Variants in NKAIN3 observed in about 807,000 individuals in gnomAD.
The protein encoded by NKAIN3 is sodium/potassium transporting ATPase interacting 3, also known as sodium/potassium-transporting ATPase subunit beta-1-interacting protein 3.
NKAIN3 carries 25 observed loss-of-function variants against 30.2 expected under a neutral mutation model. The observed-to-expected ratio is 0.83, with a 90% CI of 0.60 to 1.16. The LOEUF is 1.16. Among genes scored for constraint, NKAIN3 ranks in the 50% most tolerant of loss-of-function variants. The pLI is 0.00. For missense variants in NKAIN3, 225 were observed against 254.1 expected, an observed-to-expected ratio of 0.89 and a Z score of 0.78; for synonymous variants, 91 against 89.6, an observed-to-expected ratio of 1.02 and a Z score of -0.09.
At chr8:62,790,845 T>A (rs1344526935) in intron 4 of NKAIN3, among the ~76,000 whole-genome samples, 3 of 151,990 alleles carry the variant, frequency 2.0e-5, no homozygotes, top group Non-Finnish European at 2.9e-5. Context: ...ACAGGGAGAT[T>A]CGGCTTAGCC....
intron 1 of NKAIN3, among the ~76,000 whole-genome samples, chr8:62,361,106 T>C (rs568483140): frequency 6.6e-6 from 1 of 152,140 alleles, no homozygotes. Context: ...ACCAACGCAG[T>C]AGAATCACTG....
chr8:62,909,320 G>T (rs916277825), intron 4 of NKAIN3, among the ~76,000 whole-genome samples: 1 of 152,040 alleles, frequency 6.6e-6, no homozygotes, highest in Non-Finnish European at 1.5e-5. Flanking sequence ...CAAAGAAGAT[G>T]GAATGTATGC....
chr8:62,374,971 T>C (rs16928795), intron 1 of NKAIN3, among the ~76,000 whole-genome samples: 21,062 of 152,244 alleles, frequency 0.14, 1,741 homozygotes, highest in East Asian at 0.4. Flanking sequence ...CTTTGTGTGT[T>C]GTCAATCATT....
intron 1 of NKAIN3, among the ~76,000 whole-genome samples, chr8:62,555,143 T>G (rs1158340282): frequency 7.3e-6 from 1 of 136,432 alleles, no homozygotes; most frequent in African/African-American, 2.5e-5. Context: ...CAATGTCATG[T>G]TGTATACCTT....
rs1008974497 is a variant in NKAIN3 at position 62,508,581 on chromosome 8, A to G, written c.55-70958A>G. On this transcript the variant is annotated intron_variant, in intron 1 of 6. Coordinates refer to ENST00000623646, the MANE Select transcript of NKAIN3 (RefSeq NM_001304533.3). ...TGGTTTACCTACCTGGTTTGTTGGG[A>G]GAGCTTGATAAAATAATATGTTTGA... Among the ~76,000 whole-genome samples the G allele has an allele frequency of 1.1e-4, 16 of 152,202 alleles. No homozygotes were observed. The East Asian group carries it at 3.1e-3, about 30-fold the overall frequency.
At chr8:62,809,958 AT>A (rs922607993) in intron 4 of NKAIN3, among the ~76,000 whole-genome samples, 2 of 152,160 alleles carry the variant, frequency 1.3e-5, no homozygotes, top group African/African-American at 4.8e-5. Context: ...AATAATTGTA[AT>A]TAAGATCAGA....
At chr8:62,943,236 A>G (rs571304618) in intron 5 of NKAIN3, among the ~76,000 whole-genome samples, 12 of 152,326 alleles carry the variant, frequency 7.9e-5, no homozygotes, top group African/African-American at 2.4e-4. Flanking sequence ...TAAGACATGA[A>G]TAGGCAATTC....
At chr8:62,520,806 G>A (rs966141564) in intron 1 of NKAIN3, among the ~76,000 whole-genome samples, 1 of 151,952 alleles carries the variant, frequency 6.6e-6, no homozygotes, top group Non-Finnish European at 1.5e-5. Flanking sequence ...GACTGTACTG[G>A]AAAACAATAT....
intron 3 of NKAIN3, among the ~76,000 whole-genome samples, chr8:62,739,638 T>C (rs1815799950): frequency 6.6e-6 from 1 of 152,162 alleles, no homozygotes. Context: ...TCCCTCTACC[T>C]GTTAAATGGA....
At chr8:62,562,529 A>G (rs1809619947) in intron 1 of NKAIN3, among the ~76,000 whole-genome samples, 1 of 152,162 alleles carries the variant, frequency 6.6e-6, no homozygotes, top group South Asian at 2.1e-4. Context: ...TCAATGGTTT[A>G]CCTTTCCCAG....
intron 5 of NKAIN3, among the ~76,000 whole-genome samples, chr8:62,925,698 C>T (rs1822413587): frequency 6.6e-6 from 1 of 152,172 alleles, no homozygotes; most frequent in Non-Finnish European, 1.5e-5. Context: ...AAGTCACTGA[C>T]AGCTCTGACA....
intron 3 of NKAIN3, among the ~76,000 whole-genome samples, chr8:62,698,752 A>G (rs1024625447): frequency 2.0e-5 from 3 of 152,152 alleles, no homozygotes; most frequent in Admixed American, 6.6e-5. Flanking sequence ...TTCAACTACA[A>G]ATTTGGGAGA....
In NKAIN3 at chr8:62,666,495, T is replaced by C. The variant is rs189371604; in HGVS notation, c.273+76701T>C. Among the ~76,000 whole-genome samples the C allele has an allele frequency of 8.5e-5, 13 of 152,316 alleles. No individual in the cohort carries two copies. In the East Asian group the frequency reaches 2.3e-3, roughly 27 times the overall value. On this transcript the variant is annotated intron_variant, in intron 3 of 6. Coordinates refer to ENST00000623646, the MANE Select transcript of NKAIN3 (RefSeq NM_001304533.3). ...AGAGAGATATTGGGCAGTGCATTTA[T>C]GAAGGAAGATTATGTATGCATATTT...
Position 62,931,728 on chromosome 8 carries a change from C to T in NKAIN3, c.532+13215C>T, listed in dbSNP as rs960973982. 7.9e-5 allele frequency among the ~76,000 whole-genome samples: 12 copies of T among 152,110 alleles called. 1 individual carries two copies. The highest frequency in any genetic ancestry group is 1.2e-4 in the African/African-American group (5 of 41,412). On this transcript the variant is annotated intron_variant, in intron 5 of 6. Coordinates refer to ENST00000623646, the MANE Select transcript of NKAIN3 (RefSeq NM_001304533.3). ...AAAATAATCTAGCAGGCCACAGCTA[C>T]GGGACTCAAAGGACATTAGATTTGA...
chr8:62,476,299 G>C (rs1806516545), intron 1 of NKAIN3, among the ~76,000 whole-genome samples: 1 of 152,220 alleles, frequency 6.6e-6, no homozygotes, highest in African/African-American at 2.4e-5. Flanking sequence ...ATAGAATTTA[G>C]AAGAGTTGAG....
chr8:62,519,614 C>T (rs1808093898), intron 1 of NKAIN3, among the ~76,000 whole-genome samples: 1 of 152,114 alleles, frequency 6.6e-6, no homozygotes, highest in African/African-American at 2.4e-5. Flanking sequence ...GAAATTCAGC[C>T]TTCTGTGGGC....
At chr8:62,867,681 T>TA (rs1343161488) in intron 4 of NKAIN3, among the ~76,000 whole-genome samples, 2 of 152,222 alleles carry the variant, frequency 1.3e-5, no homozygotes, top group African/African-American at 2.4e-5. Context: ...AATTTCATAC[T>TA]AAAACGCACT....
chr8:62,755,650 T>A (rs1156521559), intron 4 of NKAIN3, among the ~76,000 whole-genome samples: 1 of 152,008 alleles, frequency 6.6e-6, no homozygotes, highest in African/African-American at 2.4e-5. Flanking sequence ...TACCAGAAAA[T>A]CTATTTTTAT....
rs184927156 is a variant in NKAIN3 at position 62,863,443 on chromosome 8, A to G, written c.472-55010A>G. ...ATGAGTAATCTTGGTCTTACTGTGT[A>G]GATATTCTAACCCTTGAAGGAAATG... On this transcript the variant is annotated intron_variant, in intron 4 of 6. Transcript: ENST00000623646. 741 of 1,555,322 alleles carry G rather than the reference A, an allele frequency of 4.8e-4. 4 individuals are homozygous for G. The highest frequency in any genetic ancestry group is 1.0e-4 in the Non-Finnish European group (114 of 1,144,216).
Sources: allele counts gnomAD v4.1 joint callset (sites outside exome capture counted in the v4.1 genomes callset), GRCh38; gene constraint gnomAD v4.1.1; transcripts MANE v1.5; gene names NCBI Gene and HGNC (gene_info 2026-07-23, HGNC 2026-07-21).